Variants in DNAJC24 observed in about 807,000 individuals in gnomAD.
DNAJC24 encodes DnaJ heat shock protein family (Hsp40) member C24, also known as dnaJ homolog subfamily C member 24.
In DNAJC24, 17 loss-of-function variants were observed where a neutral mutation model predicts 18.0. The ratio of observed to expected loss-of-function variants is 0.94; its 90% CI spans 0.65 to 1.42. The LOEUF is 1.42. Among genes scored for constraint, DNAJC24 ranks in the 40% most tolerant of loss-of-function variants. The probability of loss-of-function intolerance (pLI) is 0.00; values close to 1 mark genes in which losing one functional copy is unlikely to be tolerated. For synonymous variants in DNAJC24, 55 were observed against 57.7 expected (o/e 0.95, Z 0.21); for missense variants, 158 against 175.6 (o/e 0.90, Z 0.57).
At chr11:31,408,971 A>C (rs953985572) in intron 2 of DNAJC24, among the ~76,000 whole-genome samples, 1 of 152,180 alleles carries the variant, frequency 6.6e-6, no homozygotes, top group African/African-American at 2.4e-5. Flanking sequence ...TGGTATTTTA[A>C]TTTTGGATGC....
At chr11:31,401,637 G>T (rs1349422632) in intron 2 of DNAJC24, among the ~76,000 whole-genome samples, 1 of 152,030 alleles carries the variant, frequency 6.6e-6, no homozygotes, top group Admixed American at 6.6e-5. Context: ...GGCAGTCAGT[G>T]GTAGAGTGAT....
chr11:31,380,255 G>C (rs1047054092), intron 2 of DNAJC24, among the ~76,000 whole-genome samples: 10 of 152,180 alleles, frequency 6.6e-5, no homozygotes, highest in African/African-American at 2.4e-5. Context: ...TAAAGAAAGA[G>C]ATTGAGGATG....
rs557081919 is a variant in DNAJC24, at chr11:31,413,535, T to C, written c.112-1276T>C. On this transcript the variant is annotated intron_variant, in intron 2 of 4. Coordinates refer to ENST00000465995, the MANE Select transcript of DNAJC24 (RefSeq NM_181706.5). ...TTTTAGTAGAGTCAGGGTTTCACTGTGTTAGCCAGGATGGTCTCGATCTCC... is the reference window on the plus strand; with the variant it reads ...TTTTAGTAGAGTCAGGGTTTCACTGCGTTAGCCAGGATGGTCTCGATCTCC... 1.0e-3 allele frequency among the ~76,000 whole-genome samples: 152 copies of C among 152,084 alleles called. No individual in the cohort carries two copies. The Middle Eastern group carries it at 0.017, about 17-fold the overall frequency.
chr11:31,382,664 A>G (rs1402509013), intron 2 of DNAJC24, among the ~76,000 whole-genome samples: 1 of 152,066 alleles, frequency 6.6e-6, no homozygotes, highest in South Asian at 2.1e-4. Context: ...TGTTTTCCCT[A>G]CTCTCACACA....
rs111744823 is a variant in DNAJC24 at position 31,398,675 on chromosome 11, G to C, written c.112-16136G>C. 7.8e-3 allele frequency among the ~76,000 whole-genome samples: 1,183 copies of C among 152,232 alleles called. 19 individuals are homozygous for C. The highest frequency in any genetic ancestry group is 0.027 in the African/African-American group (1,133 of 41,530). On this transcript the variant is annotated intron_variant, in intron 2 of 4. Coordinates refer to ENST00000465995, the MANE Select transcript of DNAJC24 (RefSeq NM_181706.5). ...GCACCCAAGGGAATTCAAAGCCACT[G>C]AACTAGTATCATTAATATGGCAGAA...
At chr11:31,384,876 A>G (rs1383028351) in intron 2 of DNAJC24, 1 of 152,236 alleles carries the variant, frequency 6.6e-6, no homozygotes, top group African/African-American at 2.4e-5. Flanking sequence ...GAATAAGCAT[A>G]TTAGATACTT....
At chr11:31,378,917 T>C (rs926426518) in intron 2 of DNAJC24, among the ~76,000 whole-genome samples, 3 of 152,298 alleles carry the variant, frequency 2.0e-5, no homozygotes, top group Non-Finnish European at 4.4e-5. Flanking sequence ...AAAAATATCT[T>C]AAGAAGTTCA....
At chr11:31,415,125 C>A in intron 3 of DNAJC24, 176 bp downstream of exon 3, 1 of 599,408 alleles carries the variant, frequency 1.7e-6, no homozygotes, top group Non-Finnish European at 2.6e-6. Flanking sequence ...ATTGTGTATC[C>A]ATTGAGAAGT....
intron 2 of DNAJC24, among the ~76,000 whole-genome samples, chr11:31,392,011 T>C (rs1483853558): frequency 3.3e-5 from 5 of 152,176 alleles, no homozygotes; most frequent in African/African-American, 9.7e-5. Context: ...ATACAAACTT[T>C]ACATGTTTTT....
Position 31,414,898 on chromosome 11 carries a change from A to G in DNAJC24, c.199A>G (p.Lys67Glu). The G allele has an allele frequency of 7.4e-6, 12 of 1,614,104 alleles. No individual in the cohort carries two copies. The highest frequency in any genetic ancestry group is 9.3e-6 in the Non-Finnish European group (11 of 1,180,008). ...QKFIEIDQAW[K>E]ILGNEETKRE... ...GTTCATCGAAATTGATCAAGCATGG[A>G]AAATTCTAGGAAATGAAGAGACAAA... The change falls in exon 3 of 5, where the codon AAA becomes GAA. Residue 67 changes from lysine (K) to glutamate (E), a missense_variant. Coordinates refer to ENST00000465995, the MANE Select transcript of DNAJC24 (RefSeq NM_181706.5).
chr11:31,395,371 C>T (rs867149331), intron 2 of DNAJC24, among the ~76,000 whole-genome samples: 1 of 152,032 alleles, frequency 6.6e-6, no homozygotes, highest in Non-Finnish European at 1.5e-5. Flanking sequence ...TCCTATGTGT[C>T]TTTGTGGTGT....
intron 3 of DNAJC24, 145 bp downstream of exon 3, chr11:31,415,094 G>A (rs1952741489): frequency 1.2e-6 from 1 of 858,172 alleles, no homozygotes; most frequent in South Asian, 1.9e-5. Flanking sequence ...TTTTAATTAT[G>A]CCCTATTCTT....
rs546261590 is a variant in DNAJC24 at position 31,428,850 on chromosome 11, T to G, written c.320-1421T>G. On this transcript the variant is annotated intron_variant, in intron 4 of 4. Coordinates refer to ENST00000465995, the MANE Select transcript of DNAJC24 (RefSeq NM_181706.5). ...AGCAGAACTTTTACAAGATGTGAAT[T>G]TTTAGTGAGCATTAACATTTGGAGT... Among the ~76,000 whole-genome samples, 12 of 152,238 alleles carry G rather than the reference T, an allele frequency of 7.9e-5. No individual in the cohort carries two copies. The East Asian group carries it at 1.5e-3, about 20-fold the overall frequency.
chr11:31,429,302 T>A (rs1000072464), intron 4 of DNAJC24, among the ~76,000 whole-genome samples: 1 of 151,896 alleles, frequency 6.6e-6, no homozygotes, highest in Non-Finnish European at 1.5e-5. Context: ...AGAGAGCAGG[T>A]ACAAGGCAGT....
chr11:31,381,725 GCCA>G (rs964913387), intron 2 of DNAJC24, among the ~76,000 whole-genome samples: 8 of 151,840 alleles, frequency 5.3e-5, no homozygotes, highest in African/African-American at 1.7e-4. Context: ...ACAGGCACAT[GCCA>G]CCATGCCTGG....
chr11:31,410,962 G>A (rs909803123), intron 2 of DNAJC24, among the ~76,000 whole-genome samples: 2 of 152,256 alleles, frequency 1.3e-5, no homozygotes, highest in African/African-American at 4.8e-5. Flanking sequence ...GATTACATCT[G>A]TCTTTTATTT....
chr11:31,405,260 G>A (rs1415220929), intron 2 of DNAJC24, among the ~76,000 whole-genome samples: 1 of 151,674 alleles, frequency 6.6e-6, no homozygotes, highest in Non-Finnish European at 1.5e-5. Flanking sequence ...AGTAGAGGTG[G>A]GGTTTCTCCA....
chr11:31,432,185 T>C lies in DNAJC24; in HGVS notation c.*1784T>C, dbSNP rs773534978. Among the ~76,000 whole-genome samples, 6 of 152,190 alleles carry C rather than the reference T, an allele frequency of 3.9e-5. No homozygotes were observed. The highest frequency in any genetic ancestry group is 1.9e-4 in the East Asian group (1 of 5,196). On this transcript the variant is annotated 3_prime_UTR_variant, in exon 5 of 5. Coordinates refer to ENST00000465995, the MANE Select transcript of DNAJC24 (RefSeq NM_181706.5). ...AATGTAGCTGCTAAAGTATGAGGTA[T>C]ATTTAAGAAGAATAGATTAGTTTCA...
chr11:31,401,113 G>A (rs995526449), intron 2 of DNAJC24, among the ~76,000 whole-genome samples: 1 of 152,036 alleles, frequency 6.6e-6, no homozygotes, highest in Non-Finnish European at 1.5e-5. Context: ...ATGTGGCCAA[G>A]AAACATGAAA....
Sources: allele counts gnomAD v4.1 joint callset (sites outside exome capture counted in the v4.1 genomes callset), GRCh38; gene constraint gnomAD v4.1.1; transcripts MANE v1.5; gene names NCBI Gene and HGNC (gene_info 2026-07-23, HGNC 2026-07-21).